Variants in PRORP observed in about 807,000 individuals in gnomAD.
PRORP encodes the protein protein only RNase P catalytic subunit, also known as mitochondrial ribonuclease P catalytic subunit.
Under a neutral mutation model 59.4 loss-of-function variants are expected in PRORP, and 51 were observed. The ratio of observed to expected loss-of-function variants is 0.86; its 90% CI spans 0.69 to 1.08. The LOEUF is 1.08. Ranked by LOEUF, PRORP falls within the 50% of genes least tolerant of loss-of-function variation. PRORP has a pLI of 0.00. For missense variants in PRORP, 646 were observed against 690.3 expected (o/e 0.94, Z 0.72); for synonymous variants, 231 against 245.6 (o/e 0.94, Z 0.55).
intron 5 of PRORP, among the ~76,000 whole-genome samples, chr14:35,212,992 C>T (rs2049488596): frequency 6.6e-6 from 1 of 152,242 alleles, no homozygotes; most frequent in Non-Finnish European, 1.5e-5. Flanking sequence ...GCACTTGCTA[C>T]TTCGTCTTAC....
intron 5 of PRORP, among the ~76,000 whole-genome samples, chr14:35,181,346 T>G (rs7160592): frequency 0.063 from 9,628 of 152,230 alleles, 384 homozygotes; most frequent in Middle Eastern, 0.11. Flanking sequence ...GATTAAAAAA[T>G]TGAGGCTAAT....
chr14:35,248,830 G>A (rs1273090616), intron 5 of PRORP, among the ~76,000 whole-genome samples: 2 of 152,212 alleles, frequency 1.3e-5, no homozygotes, highest in East Asian at 1.9e-4. Flanking sequence ...CAAGAGGAAC[G>A]AAGACAAAGA....
At chr14:35,176,078 C>G (rs2048442299) in intron 4 of PRORP, among the ~76,000 whole-genome samples, 1 of 152,134 alleles carries the variant, frequency 6.6e-6, no homozygotes. Flanking sequence ...TCTGAGGGCT[C>G]TGTTCTGTTC....
Position 35,141,237 on chromosome 14 carries a change from CT to C in PRORP, c.1167+13637del, listed in dbSNP as rs1311588236. ...TTTCTTATTTTCCTTCCTTCTTTTT[CT>C]TTTTTTTTTTGTTTTTGTTTGTTTG... On this transcript the variant is annotated intron_variant, in intron 4 of 7. Coordinates refer to ENST00000534898, the MANE Select transcript of PRORP (RefSeq NM_014672.4). Among the ~76,000 whole-genome samples, 112 of 131,806 alleles carry C rather than the reference CT, an allele frequency of 8.5e-4. 5 individuals are homozygous for C. The highest frequency in any genetic ancestry group is 7.5e-3 in the Middle Eastern group (2 of 268). The allele number at this position is 131,806 out of a possible 152,430, so 86.5% of individuals were successfully genotyped here.
rs1267997549 is a variant in PRORP, at chr14:35,143,204, G to T, written c.1167+15593G>T. Among the ~76,000 whole-genome samples, 6 of 145,716 alleles carry T rather than the reference G, an allele frequency of 4.1e-5. 1 individual carries two copies. The highest frequency in any genetic ancestry group is 6.9e-3 in the Middle Eastern group (2 of 288). The stretch of plus-strand genomic sequence containing the variant: ...GTCTCTCTCTGTTGCTCAGGCTGGA[G>T]TGCAGTGGCGCAATCGCTGCTCACT... On this transcript the variant is annotated intron_variant, in intron 4 of 7. Transcript: ENST00000534898.
chr14:35,131,070 A>G (rs1008044892), intron 4 of PRORP, among the ~76,000 whole-genome samples: 2 of 151,336 alleles, frequency 1.3e-5, no homozygotes, highest in Non-Finnish European at 2.9e-5. Context: ...CAGCCTCTGA[A>G]TAGCTAGGAT....
intron 5 of PRORP, among the ~76,000 whole-genome samples, chr14:35,202,522 C>T (rs1373826272): frequency 6.6e-6 from 1 of 152,068 alleles, no homozygotes; most frequent in East Asian, 1.9e-4. Flanking sequence ...GTAGGAAGGG[C>T]ACAGATAAAA....
chr14:35,137,742 G>A (rs2047405260), intron 4 of PRORP, among the ~76,000 whole-genome samples: 1 of 145,010 alleles, frequency 6.9e-6, no homozygotes, highest in African/African-American at 2.4e-5. Context: ...CAGAGTTTGG[G>A]TTTTGTTGGT....
chr14:35,183,610 T>C (rs367659684), intron 5 of PRORP, among the ~76,000 whole-genome samples: 4 of 152,164 alleles, frequency 2.6e-5, no homozygotes, highest in Non-Finnish European at 5.9e-5. Context: ...CTGGACTCTT[T>C]AGTCAAAGGG....
At chr14:35,244,134 G>C (rs1380245281) in intron 5 of PRORP, among the ~76,000 whole-genome samples, 1 of 152,152 alleles carries the variant, frequency 6.6e-6, no homozygotes, top group Non-Finnish European at 1.5e-5. Context: ...TTTCTGCCAA[G>C]AAAAGCAGAA....
intron 4 of PRORP, among the ~76,000 whole-genome samples, chr14:35,133,002 A>C (rs2047287476): frequency 6.6e-6 from 1 of 151,406 alleles, no homozygotes; most frequent in Admixed American, 6.6e-5. Context: ...GCTCACTGCA[A>C]CCTCTGCCTC....
intron 5 of PRORP, among the ~76,000 whole-genome samples, chr14:35,231,401 T>C (rs1046633204): frequency 6.6e-6 from 1 of 152,186 alleles, no homozygotes; most frequent in Non-Finnish European, 1.5e-5. Context: ...TGGCTGAGAG[T>C]GGAAGTGGTT....
intron 5 of PRORP, among the ~76,000 whole-genome samples, chr14:35,231,917 T>C (rs2050091049): frequency 6.6e-6 from 1 of 152,210 alleles, no homozygotes; most frequent in African/African-American, 2.4e-5. Context: ...GTTATGAACT[T>C]TATTATATAC....
In PRORP at chr14:35,148,843, TG is replaced by T. The variant is rs1441312782; in HGVS notation, c.1167+21233del. On this transcript the variant is annotated intron_variant, in intron 4 of 7. Coordinates refer to ENST00000534898, the MANE Select transcript of PRORP (RefSeq NM_014672.4). ...TTGCTGCTTCACCTTGCACTTTTTT[TG>T]TTTTTTGTGTTGGTTCCACCAGTCT... 5.0e-3 allele frequency among the ~76,000 whole-genome samples: 765 copies of T among 152,194 alleles called. 7 individuals are homozygous for T. The highest frequency in any genetic ancestry group is 0.018 in the African/African-American group (735 of 41,486).
At chr14:35,191,301 G>C (rs2048877599) in intron 5 of PRORP, among the ~76,000 whole-genome samples, 1 of 152,170 alleles carries the variant, frequency 6.6e-6, no homozygotes, top group Non-Finnish European at 1.5e-5. Context: ...CGCCATGTAA[G>C]ACGTGCCTTT....
At chr14:35,165,228 A>C (rs2048154373) in intron 4 of PRORP, among the ~76,000 whole-genome samples, 1 of 151,914 alleles carries the variant, frequency 6.6e-6, no homozygotes, top group Admixed American at 6.6e-5. Context: ...GCCCAGGCTG[A>C]CCTGGAACTC....
intron 5 of PRORP, among the ~76,000 whole-genome samples, chr14:35,207,490 C>T (rs2049324136): frequency 1.3e-5 from 2 of 152,340 alleles, no homozygotes; most frequent in East Asian, 3.9e-4. Context: ...AACAGGTCTT[C>T]TAACCCTGTC....
chr14:35,249,703 C>T (rs753461410), intron 5 of PRORP, among the ~76,000 whole-genome samples: 15 of 152,134 alleles, frequency 9.9e-5, no homozygotes, highest in Non-Finnish European at 1.9e-4. Flanking sequence ...ATTAGAAATC[C>T]TTTATATCAG....
At chr14:35,193,905 T>C (rs1308211344) in intron 5 of PRORP, among the ~76,000 whole-genome samples, 1 of 152,194 alleles carries the variant, frequency 6.6e-6, no homozygotes, top group African/African-American at 2.4e-5. Flanking sequence ...GTCCCAAAAC[T>C]TGGGTGTCTT....
Sources: gnomAD v4.1 joint callset for allele counts (sites outside exome capture counted in the v4.1 genomes callset) on GRCh38, gnomAD v4.1.1 for gene constraint, MANE v1.5 for transcripts, NCBI Gene and HGNC (gene_info 2026-07-23, HGNC 2026-07-21) for gene names.